Variants in LRRTM4 observed in about 807,000 individuals in gnomAD.
LRRTM4 encodes leucine rich repeat transmembrane neuronal 4.
LRRTM4 carries 25 observed loss-of-function variants against 47.6 expected under a neutral mutation model. The ratio of observed to expected loss-of-function variants is 0.53; its 90% CI spans 0.38 to 0.73. The LOEUF (loss-of-function observed/expected upper bound fraction) is 0.73. Among genes scored for constraint, LRRTM4 ranks in the 30% least tolerant of loss-of-function variants. LRRTM4 has a pLI of 0.00. For synonymous variants in LRRTM4, 311 were observed against 269.5 expected (o/e 1.15, Z -1.51); for missense variants, 638 against 713.4 (o/e 0.89, Z 1.20).
chr2:76,888,164 G>T (rs910624709), intron 3 of LRRTM4, among the ~76,000 whole-genome samples: 1 of 150,592 alleles, frequency 6.6e-6, no homozygotes, highest in South Asian at 2.1e-4. Flanking sequence ...TTTGTGGGTG[G>T]ATATGATTTT....
rs531815183 is a variant in LRRTM4 at position 77,221,079 on chromosome 2, C to A, written c.1551+297239G>T. Among the ~76,000 whole-genome samples the A allele has an allele frequency of 1.6e-4, 24 of 152,204 alleles. No homozygotes were observed. The South Asian group carries it at 4.8e-3, about 30-fold the overall frequency. Reference sequence around the variant, plus strand: ...CATTCTTAAAGAAAAGAATTTTCAACCCAGAATTTCATATCCAGCCAAACT... The same window carrying A: ...CATTCTTAAAGAAAAGAATTTTCAAACCAGAATTTCATATCCAGCCAAACT... On this transcript the variant is annotated intron_variant, in intron 3 of 3. Coordinates refer to ENST00000409884, the MANE Select transcript of LRRTM4 (RefSeq NM_001134745.3).
At chr2:76,806,346 C>G (rs1425477196) in intron 3 of LRRTM4, among the ~76,000 whole-genome samples, 1 of 152,142 alleles carries the variant, frequency 6.6e-6, no homozygotes, top group Non-Finnish European at 1.5e-5. Context: ...CTTTGGGAGT[C>G]TGAGGATGGT....
chr2:77,030,299 T>C (rs991531885), intron 3 of LRRTM4, among the ~76,000 whole-genome samples: 3 of 152,096 alleles, frequency 2.0e-5, no homozygotes, highest in Non-Finnish European at 2.9e-5. Flanking sequence ...CTGGGTGTGG[T>C]GGTATGTGCC....
Position 77,415,014 on chromosome 2 carries a change from C to T in LRRTM4, c.1551+103304G>A, listed in dbSNP as rs548543754. ...TGAAATCTAATCATTCCAAAATAGC[C>T]TTTTGAAAGATTAGATGGTAGTGAT... On this transcript the variant is annotated intron_variant, in intron 3 of 3. Coordinates refer to ENST00000409884, the MANE Select transcript of LRRTM4 (RefSeq NM_001134745.3). Among the ~76,000 whole-genome samples the T allele has an allele frequency of 7.9e-4, 120 of 152,174 alleles. 1 individual carries two copies. Among genetic ancestry groups the T allele is most frequent in the African/African-American group, 2.7e-3 (112 of 41,538 alleles).
In LRRTM4 at chr2:76,900,892, G is replaced by C. The variant is rs538391809; in HGVS notation, c.1552-151976C>G. 2.0e-4 allele frequency among the ~76,000 whole-genome samples: 30 copies of C among 152,258 alleles called. No homozygotes were observed. In the South Asian group the frequency reaches 5.6e-3, roughly 28 times the overall value. On this transcript the variant is annotated intron_variant, in intron 3 of 3. Coordinates refer to ENST00000409884, the MANE Select transcript of LRRTM4 (RefSeq NM_001134745.3). ...TCATTGGATTGAATAATGTTGATTAGAAGTACCAAAATTTAGAATTTTGAA... is the reference window on the plus strand; with the variant it reads ...TCATTGGATTGAATAATGTTGATTACAAGTACCAAAATTTAGAATTTTGAA...
At chr2:77,513,430 G>T (rs191925738) in intron 3 of LRRTM4, among the ~76,000 whole-genome samples, 12 of 152,104 alleles carry the variant, frequency 7.9e-5, no homozygotes, top group Admixed American at 7.9e-4. Flanking sequence ...TGAGAGATGC[G>T]TCACAGAGAA....
chr2:76,849,236 A>G (rs1671923342), intron 3 of LRRTM4, among the ~76,000 whole-genome samples: 1 of 152,108 alleles, frequency 6.6e-6, no homozygotes, highest in Non-Finnish European at 1.5e-5. Context: ...AGGAAGGGCA[A>G]TCATCTGGAG....
intron 3 of LRRTM4, among the ~76,000 whole-genome samples, chr2:77,204,040 T>C (rs1244313654): frequency 6.6e-6 from 1 of 152,176 alleles, no homozygotes; most frequent in Admixed American, 6.5e-5. Context: ...AATGTCAGTG[T>C]CAGGCCAGGA....
intron 3 of LRRTM4, among the ~76,000 whole-genome samples, chr2:77,072,743 G>A (rs1466007823): frequency 7.5e-6 from 1 of 133,016 alleles, no homozygotes; most frequent in African/African-American, 2.9e-5. Context: ...AGGTTGCAGT[G>A]AGCCAAGATC....
intron 3 of LRRTM4, among the ~76,000 whole-genome samples, chr2:77,511,161 A>T (rs906711444): frequency 5.3e-5 from 8 of 152,186 alleles, no homozygotes; most frequent in Admixed American, 1.3e-4. Context: ...AGAGGAAATT[A>T]AAAAAATTAC....
intron 3 of LRRTM4, among the ~76,000 whole-genome samples, chr2:76,837,630 T>C (rs1312575614): frequency 6.6e-6 from 1 of 152,148 alleles, no homozygotes; most frequent in African/African-American, 2.4e-5. Flanking sequence ...TAAAGACACA[T>C]GCACACGCAT....
chr2:77,290,071 TA>T (rs1270820661), intron 3 of LRRTM4, among the ~76,000 whole-genome samples: 1 of 151,798 alleles, frequency 6.6e-6, no homozygotes, highest in East Asian at 1.9e-4. Flanking sequence ...TAAAACAGGA[TA>T]AAAATCAATG....
At chr2:76,972,357 G>C (rs1408019938) in intron 3 of LRRTM4, among the ~76,000 whole-genome samples, 1 of 149,176 alleles carries the variant, frequency 6.7e-6, no homozygotes, top group East Asian at 2.0e-4. Context: ...GAAGTCACCT[G>C]TCACTCTCTG....
At chr2:76,748,978 A>C in intron 3 of LRRTM4, 62 bp from the exon 4 acceptor site, 1 of 1,345,240 alleles carries the variant, frequency 7.4e-7, no homozygotes, top group Non-Finnish European at 1.0e-6. Flanking sequence ...ATAGGACAGC[A>C]CTCATCAGGT....
At chr2:76,846,223 A>G (rs1272652376) in intron 3 of LRRTM4, among the ~76,000 whole-genome samples, 1 of 152,056 alleles carries the variant, frequency 6.6e-6, no homozygotes, top group Non-Finnish European at 1.5e-5. Flanking sequence ...GATGTAAGCG[A>G]GACACCTACG....
chr2:77,028,542 C>T (rs958234990), intron 3 of LRRTM4, among the ~76,000 whole-genome samples: 1 of 151,984 alleles, frequency 6.6e-6, no homozygotes, highest in East Asian at 1.9e-4. Flanking sequence ...ATAGAAGGAA[C>T]TATACTGTCA....
intron 3 of LRRTM4, among the ~76,000 whole-genome samples, chr2:76,779,126 T>C (rs368072948): frequency 1.3e-5 from 2 of 151,378 alleles, no homozygotes; most frequent in Non-Finnish European, 2.9e-5. Context: ...GTCTGAGAGA[T>C]AGTTTGTTAT....
intron 3 of LRRTM4, among the ~76,000 whole-genome samples, chr2:76,953,126 T>C (rs927514013): frequency 1.3e-4 from 19 of 151,082 alleles, no homozygotes; most frequent in Admixed American, 1.3e-3. Flanking sequence ...AACCTTCATA[T>C]GTACCCACTG....
At chr2:76,901,503 G>C (rs1052078200) in intron 3 of LRRTM4, among the ~76,000 whole-genome samples, 1 of 152,084 alleles carries the variant, frequency 6.6e-6, no homozygotes, top group Non-Finnish European at 1.5e-5. Flanking sequence ...GCAGTGTTAA[G>C]TCTAGTTTCT....
Sources: gnomAD v4.1 joint callset for allele counts (sites outside exome capture counted in the v4.1 genomes callset) on GRCh38, gnomAD v4.1.1 for gene constraint, MANE v1.5 for transcripts, NCBI Gene and HGNC (gene_info 2026-07-23, HGNC 2026-07-21) for gene names.